ZNF577: variants seen among roughly 807,000 people sequenced by gnomAD.
ZNF577 encodes zinc finger protein 577.
A neutral mutation model predicts 13.9 loss-of-function variants in ZNF577; 14 were observed. The observed-to-expected ratio is 1.00, with a 90% CI of 0.66 to 1.57. The LOEUF is 1.57. Among genes scored for constraint, ZNF577 ranks in the 40% most tolerant of loss-of-function variants. The pLI, the probability that ZNF577 is intolerant of heterozygous loss-of-function variation, is 0.00. For synonymous variants in ZNF577, 203 were observed against 202.9 expected, an observed-to-expected ratio of 1.00 and a Z score of 0.00; for missense variants, 555 against 579.2, an observed-to-expected ratio of 0.96 and a Z score of 0.43.
intron 9 of ZNF577, among the ~76,000 whole-genome samples, chr19:51,827,640 T>A (rs576090169): frequency 6.6e-6 from 1 of 152,336 alleles, no homozygotes; most frequent in South Asian, 2.1e-4. Context: ...CCACAGTATT[T>A]GTAAATTCCC....
At position 51,869,723 on chromosome 19, in the gene ZNF577, C is replaced by T. The variant is rs10411161; in HGVS notation, c.*2809G>A. Among the ~76,000 whole-genome samples the T allele has an allele frequency of 0.21, 31,481 of 152,138 alleles. 3,923 individuals carry two copies. Among genetic ancestry groups the T allele is most frequent in the South Asian group, 0.4 (1,926 of 4,816 alleles). On this transcript the variant is annotated 3_prime_UTR_variant, in exon 6 of 6. Coordinates refer to ENST00000638348, the MANE Select transcript of ZNF577 (RefSeq NM_001370449.1). Reference sequence around the variant, plus strand: ...CAATGTGGAGAAAAATGGCCAAAGGCAGATGTGTGCCAGAAACCCCTACAG... The same window carrying T: ...CAATGTGGAGAAAAATGGCCAAAGGTAGATGTGTGCCAGAAACCCCTACAG...
chr19:51,866,476 G>A (rs962844456), downstream of ZNF577, among the ~76,000 whole-genome samples: 1 of 152,166 alleles, frequency 6.6e-6, no homozygotes, highest in African/African-American at 2.4e-5. Context: ...GCTTGGAAGT[G>A]GATTCTTCCC....
chr19:51,846,871 G>C (rs1443999933), intron 5 of ZNF577, among the ~76,000 whole-genome samples: 1 of 152,182 alleles, frequency 6.6e-6, no homozygotes, highest in Non-Finnish European at 1.5e-5. Flanking sequence ...AGTTTCTCTT[G>C]TTTAAGCCAC....
intron 9 of ZNF577, among the ~76,000 whole-genome samples, chr19:51,817,487 G>A (rs4802871): frequency 0.35 from 53,612 of 151,518 alleles, 10,357 homozygotes; most frequent in South Asian, 0.52. Context: ...AAGAAGTAAC[G>A]TAAGTAACCA....
Position 51,869,839 on chromosome 19 carries a change from C to T in ZNF577, c.*2693G>A, listed in dbSNP as rs1196201706. On this transcript the variant is annotated 3_prime_UTR_variant, in exon 6 of 6. Coordinates refer to ENST00000638348, the MANE Select transcript of ZNF577 (RefSeq NM_001370449.1). ...TCCCATAAACCTCAACTGCCCAGCA[C>T]AGGTGTCTCAAGCACTGCCCATGGC... 3.9e-5 allele frequency among the ~76,000 whole-genome samples: 6 copies of T among 152,202 alleles called. No individual in the cohort carries two copies. In the South Asian group the frequency reaches 1.0e-3, roughly 26 times the overall value.
rs2084377176 is a variant in ZNF577 at position 51,851,191 on chromosome 19, C to T, written c.284-6260G>A. Among the ~76,000 whole-genome samples the T allele has an allele frequency of 2.6e-5, 4 of 152,128 alleles. 1 individual carries two copies. The South Asian group carries it at 6.2e-4, about 24-fold the overall frequency. ...CCATTGGTCAAATACCAATTATAAG[C>T]CAGTCATTTTGCCAGGCATTTCAGA... On this transcript the variant is annotated intron_variant and NMD_transcript_variant, in intron 5 of 10. Coordinates refer to the ZNF577 transcript ENST00000638827.
chr19:51,837,438 T>TA (rs1174226164), intron 9 of ZNF577, among the ~76,000 whole-genome samples: 2 of 152,162 alleles, frequency 1.3e-5, no homozygotes, highest in African/African-American at 2.4e-5. Flanking sequence ...TGAGGGGACT[T>TA]AGAGTACCTG....
chr19:51,872,851 G>A lies in ZNF577; in HGVS notation c.1139C>T (p.Thr380Ile). ...CTCCACCGTCAGTGAATTTATGGCT[G>A]TCTCTCTTATGTGAGTTTTCTCATG... ...IKHEKTHIRE[T>I]AINSLTVEKP... is the part of the protein sequence containing the mutation. The change falls in exon 6 of 6, where the codon ACA becomes ATA. Residue 380 changes from threonine to isoleucine, a missense_variant. Thr to Ile is a moderately conservative substitution (Grantham distance 89). Coordinates refer to ENST00000638348, the MANE Select transcript of ZNF577 (RefSeq NM_001370449.1). 1 of 1,614,210 alleles carries A rather than the reference G, an allele frequency of 6.2e-7. No individual in the cohort carries two copies. Among genetic ancestry groups the A allele is most frequent in the Non-Finnish European group, 8.5e-7 (1 of 1,180,048 alleles).
At chr19:51,809,564 A>C (rs2084083508) in intron 10 of ZNF577, among the ~76,000 whole-genome samples, 1 of 152,234 alleles carries the variant, frequency 6.6e-6, no homozygotes, top group Non-Finnish European at 1.5e-5. Context: ...ATTGAGCAGT[A>C]TATTGTCCCA....
At chr19:51,853,439 C>A (rs1296779579) in intron 5 of ZNF577, among the ~76,000 whole-genome samples, 1 of 152,204 alleles carries the variant, frequency 6.6e-6, no homozygotes. Flanking sequence ...AAAAAGGGCA[C>A]TACCCTAAGA....
chr19:51,840,478 G>C (rs2084314348), intron 8 of ZNF577: 2 of 152,370 alleles, frequency 1.3e-5, no homozygotes, highest in African/African-American at 4.8e-5. Flanking sequence ...GTCTGGAGGA[G>C]CTCAGGTAGT....
chr19:51,867,571 G>A lies in ZNF577; in HGVS notation c.*4961C>T, dbSNP rs976276979. ...GGGCGGATCACAAGGTCAGGAGTTC[G>A]AGACCAGACTGGCCAACATGATGAA... On this transcript the variant is annotated 3_prime_UTR_variant, in exon 6 of 6. Transcript: ENST00000638348. Among the ~76,000 whole-genome samples the A allele has an allele frequency of 1.3e-5, 2 of 149,028 alleles. No individual in the cohort carries two copies. The highest frequency in any genetic ancestry group is 2.0e-4 in the East Asian group (1 of 5,058).
intron 1 of ZNF577, among the ~76,000 whole-genome samples, chr19:51,885,675 C>A (rs936035298): frequency 6.6e-6 from 1 of 152,098 alleles, no homozygotes; most frequent in Non-Finnish European, 1.5e-5. Context: ...CCACGCCCTG[C>A]TAATTTTTGT....
chr19:51,873,380 G>T lies in ZNF577; in HGVS notation c.610C>A (p.His204Asn). 6.2e-7 allele frequency: 1 copy of T among 1,614,212 alleles called. No individual in the cohort carries two copies. The highest frequency in any genetic ancestry group is 8.5e-7 in the Non-Finnish European group (1 of 1,180,038). Residue 204 changes from histidine to asparagine, a missense_variant, in exon 6 of 6, where the codon CAT (histidine) becomes AAT (asparagine). His to Asn is a moderately conservative substitution (Grantham distance 68). Transcript: ENST00000638348. Reference protein sequence around the residue: ...TFMRKIQLTEHQRTHTGEKPH... With the variant: ...TFMRKIQLTENQRTHTGEKPH... ...TTCTCTCCTGTGTGAGTTCTCTGAT[G>T]CTCAGTGAGCTGAATCTTCCTCATG...
At chr19:51,820,955 GCATGTGAGTAATGTT>G (rs1330706992) in intron 9 of ZNF577, among the ~76,000 whole-genome samples, 1 of 152,190 alleles carries the variant, frequency 6.6e-6, no homozygotes, top group African/African-American at 2.4e-5. Context: ...GAAGCTCTTG[GCATGTGAGTAATGTT>G]CATAAGTAGT....
intron 9 of ZNF577, among the ~76,000 whole-genome samples, chr19:51,820,221 A>T (rs1364508592): frequency 6.6e-6 from 1 of 152,214 alleles, no homozygotes; most frequent in African/African-American, 2.4e-5. Context: ...GATGCTAACA[A>T]GGAAGTGCCG....
downstream of ZNF577, among the ~76,000 whole-genome samples, chr19:51,865,702 T>C (rs892306659): frequency 8.5e-5 from 13 of 152,284 alleles, no homozygotes. Context: ...TTAAACACAT[T>C]TGGAAGGGGT....
At chr19:51,880,968 G>A (rs1388242321) in intron 1 of ZNF577, 91 bp from the exon 2 acceptor site, 1 of 152,828 alleles carries the variant, frequency 6.5e-6, no homozygotes, top group African/African-American at 2.4e-5. Context: ...TTAACATCAG[G>A]TTCCAATATT....
chr19:51,832,819 T>G (rs12151369), intron 9 of ZNF577, among the ~76,000 whole-genome samples: 16,064 of 134,218 alleles, frequency 0.12, 1,160 homozygotes, highest in Middle Eastern at 0.2. Context: ...ATTGAATTTT[T>G]TACGTATGTC....
Sources: gnomAD v4.1 joint callset for allele counts (sites outside exome capture counted in the v4.1 genomes callset) on GRCh38, gnomAD v4.1.1 for gene constraint, MANE v1.5 for transcripts, NCBI Gene and HGNC (gene_info 2026-07-23, HGNC 2026-07-21) for gene names.